KCNH5: variants seen among roughly 807,000 people sequenced by gnomAD.
KCNH5 encodes voltage-gated delayed rectifier potassium channel KCNH5.
A neutral mutation model predicts 96.1 loss-of-function variants in KCNH5; 46 were observed. That is an observed-to-expected ratio of 0.48 (90% confidence interval 0.38 to 0.61). KCNH5 has a LOEUF of 0.61. Ranked by LOEUF, KCNH5 falls within the 20% of genes least tolerant of loss-of-function variation. The pLI is 0.00. For synonymous variants in KCNH5, 439 were observed against 449.8 expected (o/e 0.98, Z 0.30); for missense variants, 907 against 1,225.8 (o/e 0.74, Z 3.88).
intron 7 of KCNH5, among the ~76,000 whole-genome samples, chr14:62,905,151 A>G (rs1269146902): frequency 6.6e-6 from 1 of 152,224 alleles, no homozygotes; most frequent in Admixed American, 6.5e-5. Flanking sequence ...TCACCAAACA[A>G]GTAGCCCCAT....
chr14:62,777,684 C>A (rs1030042073), intron 10 of KCNH5, among the ~76,000 whole-genome samples: 1 of 152,098 alleles, frequency 6.6e-6, no homozygotes, highest in Admixed American at 6.6e-5. Flanking sequence ...GGAAGAAAGC[C>A]GCTTGGTGTT....
At chr14:63,008,437 T>C (rs547163642) in intron 2 of KCNH5, among the ~76,000 whole-genome samples, 28 of 151,892 alleles carry the variant, frequency 1.8e-4, no homozygotes, top group African/African-American at 6.5e-4. Flanking sequence ...CAGGATCCAA[T>C]AGCAGCACCA....
At chr14:63,004,737 TG>T (rs1891094423) in intron 3 of KCNH5, among the ~76,000 whole-genome samples, 1 of 152,188 alleles carries the variant, frequency 6.6e-6, no homozygotes, top group Non-Finnish European at 1.5e-5. Flanking sequence ...CCTGAGTAGC[TG>T]GGACTATAGG....
intron 10 of KCNH5, among the ~76,000 whole-genome samples, chr14:62,760,697 A>G (rs1885728458): frequency 1.3e-5 from 2 of 152,224 alleles, no homozygotes; most frequent in South Asian, 4.1e-4. Flanking sequence ...AGAAATTACT[A>G]TAGCCTTGCT....
At chr14:62,881,262 C>T (rs913812547) in intron 7 of KCNH5, among the ~76,000 whole-genome samples, 2 of 152,014 alleles carry the variant, frequency 1.3e-5, no homozygotes, top group Non-Finnish European at 2.9e-5. Flanking sequence ...ACTATATGCA[C>T]ATCACTTGTT....
intron 8 of KCNH5, among the ~76,000 whole-genome samples, chr14:62,819,442 G>A (rs1424234593): frequency 1.3e-5 from 2 of 152,132 alleles, no homozygotes; most frequent in Non-Finnish European, 2.9e-5. Flanking sequence ...TAGAACAGTG[G>A]TTGTCAGGGG....
intron 9 of KCNH5, among the ~76,000 whole-genome samples, chr14:62,799,416 A>G (rs1886602691): frequency 6.6e-6 from 1 of 151,598 alleles, no homozygotes; most frequent in African/African-American, 2.4e-5. Flanking sequence ...TCTGCTAAAA[A>G]TACAAAATTA....
intron 7 of KCNH5, among the ~76,000 whole-genome samples, chr14:62,850,392 T>C (rs1037446921): frequency 1.3e-5 from 2 of 152,202 alleles, no homozygotes; most frequent in Non-Finnish European, 2.9e-5. Context: ...ATGTGCTTCA[T>C]GTTTAGAAGG....
chr14:62,737,834 C>T (rs1055694023), intron 10 of KCNH5, among the ~76,000 whole-genome samples: 3 of 152,078 alleles, frequency 2.0e-5, no homozygotes, highest in African/African-American at 7.2e-5. Context: ...CTAAGACTTA[C>T]TAAAAATACT....
chr14:62,827,034 C>A (rs905398678), intron 8 of KCNH5, among the ~76,000 whole-genome samples: 1 of 151,888 alleles, frequency 6.6e-6, no homozygotes, highest in African/African-American at 2.4e-5. Context: ...GGTGCCCACA[C>A]TATATCTTCT....
chr14:62,998,600 A>G (rs1451862160), intron 4 of KCNH5, among the ~76,000 whole-genome samples: 1 of 152,098 alleles, frequency 6.6e-6, no homozygotes, highest in African/African-American at 2.4e-5. Context: ...AATGTTACAT[A>G]TTTCCCTCTA....
At chr14:62,867,503 T>G (rs2140062611) in intron 7 of KCNH5, among the ~76,000 whole-genome samples, 1 of 152,300 alleles carries the variant, frequency 6.6e-6, no homozygotes, top group Non-Finnish European at 1.5e-5. Context: ...CTTAACTACA[T>G]CCACAGCTAC....
chr14:63,044,903 T>C (rs1356658529), intron 1 of KCNH5, among the ~76,000 whole-genome samples: 4 of 152,110 alleles, frequency 2.6e-5, no homozygotes, highest in Non-Finnish European at 5.9e-5. Context: ...GGGGTGAGTC[T>C]GTCTGGTAGG....
chr14:62,741,594 A>T (rs182721900), intron 10 of KCNH5, among the ~76,000 whole-genome samples: 1 of 152,150 alleles, frequency 6.6e-6, no homozygotes, highest in Non-Finnish European at 1.5e-5. Context: ...ATCAACCCTT[A>T]TGAGTGATAT....
chr14:62,837,949 G>A (rs1050025090), intron 8 of KCNH5, among the ~76,000 whole-genome samples: 1 of 152,128 alleles, frequency 6.6e-6, no homozygotes, highest in South Asian at 2.1e-4. Context: ...GGGCTGGGTT[G>A]TTTCTCATTT....
chr14:63,045,030 T>G, intron 1 of KCNH5, 84 bp downstream of exon 1: 13 of 1,079,388 alleles, frequency 1.2e-5, no homozygotes, highest in Non-Finnish European at 1.7e-5. Flanking sequence ...CCTCCCCCCT[T>G]GGGAGAGGGA....
intron 7 of KCNH5, among the ~76,000 whole-genome samples, chr14:62,851,965 TA>T (rs1887816401): frequency 6.6e-6 from 1 of 152,172 alleles, no homozygotes; most frequent in Non-Finnish European, 1.5e-5. Flanking sequence ...AAGAACCTGC[TA>T]ATGTATTAAA....
At chr14:62,916,890 A>T (rs962532273) in intron 7 of KCNH5, among the ~76,000 whole-genome samples, 1 of 152,258 alleles carries the variant, frequency 6.6e-6, no homozygotes, top group Non-Finnish European at 1.5e-5. Flanking sequence ...AAAGTTAAAA[A>T]TAGCAGAGCC....
chr14:62,779,938 T>A lies in KCNH5; in HGVS notation c.1823-14A>T, dbSNP rs750478397. 1 of 1,596,996 alleles carries A rather than the reference T, an allele frequency of 6.3e-7. No individual in the cohort carries two copies. Among genetic ancestry groups the A allele is most frequent in the Non-Finnish European group, 8.5e-7 (1 of 1,169,666 alleles). On this transcript the variant is annotated splice_polypyrimidine_tract_variant and intron_variant, in intron 9 of 10. Coordinates refer to ENST00000322893, the MANE Select transcript of KCNH5 (RefSeq NM_139318.5). ...CATCACCCTTCCCTAGAAAACAGTA[T>A]AAGATACATATTCAAGTATCTAACA...
Sources: gnomAD v4.1 joint callset for allele counts (sites outside exome capture counted in the v4.1 genomes callset) on GRCh38, gnomAD v4.1.1 for gene constraint, MANE v1.5 for transcripts, NCBI Gene and HGNC (gene_info 2026-07-23, HGNC 2026-07-21) for gene names.